The following EP400 variants were observed in gnomAD, a reference collection of about 807,000 sequenced individuals.
EP400 encodes E1A-binding protein p400.
In EP400, 105 loss-of-function variants were observed where a neutral mutation model predicts 354.1. That is an observed-to-expected ratio of 0.30 (90% CI 0.25 to 0.35). EP400 has a LOEUF of 0.35. Ranked by LOEUF, EP400 falls within the 10% of genes least tolerant of loss-of-function variation. EP400 has a pLI of 1.00. For synonymous variants in EP400, 1,646 were observed against 1,716.9 expected, an observed-to-expected ratio of 0.96 and a Z score of 1.02; for missense variants, 3,280 against 4,121.0, an observed-to-expected ratio of 0.80 and a Z score of 5.59.
intron 5 of EP400, 91 bp from the exon 6 acceptor site, chr12:131,986,423 C>G (rs76894458): frequency 2.7e-5 from 36 of 1,342,870 alleles, no homozygotes; most frequent in Non-Finnish European, 3.5e-5. Flanking sequence ...CAGTGCGCGT[C>G]TCTGGTGCTG....
In EP400 at chr12:132,038,009, G is replaced by A. The variant is rs997030576; in HGVS notation, c.6120G>A (p.Pro2040=). 11 of 1,614,052 alleles carry A rather than the reference G, an allele frequency of 6.8e-6. No homozygotes were observed. The highest frequency in any genetic ancestry group is 3.3e-5 in the South Asian group (3 of 91,088). Residue 2040 remains proline, a synonymous_variant, in exon 32 of 53, where the codon CCG becomes CCA. Transcript: ENST00000389561. This position sits in a 1 kb window ranked among gnomAD's most constrained non-coding sequence, Gnocchi z 4.2. ...CTCCCATGGATGATGCTGGCTTCCCGGTCAAAGCTGAGGAGTTTGTGGTGC... is the reference window on the plus strand; with the variant it reads ...CTCCCATGGATGATGCTGGCTTCCCAGTCAAAGCTGAGGAGTTTGTGGTGC... The part of the protein sequence containing the change: ...VYSPMDDAGF[P]VKAEEFVVLS...
intron 23 of EP400, 149 bp downstream of exon 23, chr12:132,021,470 G>C (rs971365701): frequency 1.6e-6 from 2 of 1,221,046 alleles, no homozygotes; most frequent in African/African-American, 3.2e-5. Flanking sequence ...CAGTGCAGCT[G>C]CCTCCGGCAT....
intron 12 of EP400, among the ~76,000 whole-genome samples, chr12:131,995,637 TG>T (rs1472617186): frequency 1.4e-5 from 2 of 147,982 alleles, no homozygotes; most frequent in Admixed American, 1.4e-4. Flanking sequence ...ACAGCTTGAC[TG>T]AATGTGCCGT....
intron 6 of EP400, among the ~76,000 whole-genome samples, chr12:131,987,234 G>A (rs899204958): frequency 6.6e-6 from 1 of 152,130 alleles, no homozygotes; most frequent in African/African-American, 2.4e-5. Context: ...ACTTCATTAG[G>A]GGAATTAAAA....
rs1895406706 is a variant in EP400 at position 132,054,206 on chromosome 12, C to T, written c.7728+609C>T. Among the ~76,000 whole-genome samples the T allele has an allele frequency of 6.6e-6, 1 of 152,258 alleles. No individual in the cohort carries two copies. Among genetic ancestry groups the T allele is most frequent in the African/African-American group, 2.4e-5 (1 of 41,472 alleles). ...GAATCACACCTGCAGAGAATAGGAG[C>T]TGTGCCAAATTGGGGAAACCCACAC... is the stretch of plus-strand genomic sequence containing the variant. On this transcript the variant is annotated intron_variant, in intron 43 of 52. Coordinates refer to ENST00000389561, the MANE Select transcript of EP400 (RefSeq NM_015409.5). The surrounding 1 kb of genome is among the most constrained non-coding windows in gnomAD (Gnocchi z 4.0).
At chr12:131,997,288 T>G (rs76071482) in intron 12 of EP400, among the ~76,000 whole-genome samples, 4 of 151,812 alleles carry the variant, frequency 2.6e-5, no homozygotes, top group Non-Finnish European at 4.4e-5. Flanking sequence ...TTTTTTTTTT[T>G]GAGACAGAGT....
intron 1 of EP400, among the ~76,000 whole-genome samples, chr12:131,953,987 C>T (rs746962593): frequency 3.9e-5 from 6 of 152,070 alleles, no homozygotes; most frequent in African/African-American, 1.4e-4. Flanking sequence ...GTGGCTCACA[C>T]CTGTAGTCCC....
rs567358867 is a variant in EP400, at chr12:131,965,841, C to T, written c.1335+3887C>T. On this transcript the variant is annotated intron_variant, in intron 2 of 52. Transcript: ENST00000389561. ...TGCTATTCCATTGTGTGAATGTGCC[C>T]CAGTTTGTTTATCCATTTACCCTTT... Among the ~76,000 whole-genome samples, 4 of 152,002 alleles carry T rather than the reference C, an allele frequency of 2.6e-5. 1 individual carries two copies. In the South Asian group the frequency reaches 8.3e-4, roughly 32 times the overall value.
In EP400 at chr12:132,001,707, C is replaced by T. The variant is rs527410904; in HGVS notation, c.2828-3370C>T. 3.3e-5 allele frequency among the ~76,000 whole-genome samples: 5 copies of T among 152,280 alleles called. No individual in the cohort carries two copies. The East Asian group carries it at 9.7e-4, about 29-fold the overall frequency. On this transcript the variant is annotated intron_variant, in intron 12 of 52. Coordinates refer to ENST00000389561, the MANE Select transcript of EP400 (RefSeq NM_015409.5). ...CCAGATCCTGGCGTTACCGCTAGAC[C>T]CAGGAGCCCTCTGGTGGCCCTGTCC...
At chr12:132,037,151 TG>T (rs1353874310) in intron 30 of EP400, among the ~76,000 whole-genome samples, 1 of 152,156 alleles carries the variant, frequency 6.6e-6, no homozygotes, top group Admixed American at 6.5e-5. Context: ...GTCCCTGCAC[TG>T]GGGGTCCGTC....
chr12:132,037,123 A>C (rs901025438), intron 30 of EP400, among the ~76,000 whole-genome samples: 2 of 152,164 alleles, frequency 1.3e-5, no homozygotes, highest in African/African-American at 2.4e-5. Context: ...CAGTGATGGA[A>C]TCTTGAGGAA....
Position 132,025,204 on chromosome 12 carries a change from T to C in EP400, c.4856-442T>C, listed in dbSNP as rs1044357693. On this transcript the variant is annotated intron_variant, in intron 24 of 52. Transcript: ENST00000389561. The surrounding 1 kb of genome is among the most constrained non-coding windows in gnomAD (Gnocchi z 4.1). ...TCCAGAGTAAAAGAAGTCAGAAAGA[T>C]GTAGTCACACAAGATCCAAAGTGGC... 2.0e-5 allele frequency among the ~76,000 whole-genome samples: 3 copies of C among 152,260 alleles called. No individual in the cohort carries two copies. Among genetic ancestry groups the C allele is most frequent in the Admixed American group, 1.3e-4 (2 of 15,290 alleles).
intron 39 of EP400, among the ~76,000 whole-genome samples, chr12:132,046,659 C>A (rs776481712): frequency 2.0e-5 from 3 of 152,236 alleles, no homozygotes; most frequent in Non-Finnish European, 2.9e-5. Context: ...TGGTCAGTAA[C>A]ATACAGGCAT....
intron 39 of EP400, among the ~76,000 whole-genome samples, chr12:132,046,569 A>C (rs1176442141): frequency 6.6e-6 from 1 of 152,146 alleles, no homozygotes. Flanking sequence ...ATTTACGTGT[A>C]GTGTAGTCAA....
chr12:131,952,234 C>T (rs190712572), intron 1 of EP400, among the ~76,000 whole-genome samples: 2,125 of 133,512 alleles, frequency 0.016, 49 homozygotes, highest in African/African-American at 0.057. Flanking sequence ...ACCTGGGAGG[C>T]GGAGCTTGCA....
chr12:131,973,243 T>C (rs1892358725), intron 2 of EP400, among the ~76,000 whole-genome samples: 1 of 152,200 alleles, frequency 6.6e-6, no homozygotes, highest in Non-Finnish European at 1.5e-5. Flanking sequence ...GAAAAACTCT[T>C]AGGAGTGACA....
At chr12:131,966,456 C>T (rs71470355) in intron 2 of EP400, among the ~76,000 whole-genome samples, 2 of 150,710 alleles carry the variant, frequency 1.3e-5, no homozygotes, top group South Asian at 2.1e-4. Context: ...GTAATTCCAG[C>T]TTCTCAGGAG....
At position 132,069,630 on chromosome 12, in the gene EP400, A is replaced by G. The variant is rs750704975; in HGVS notation, c.9010A>G (p.Thr3004Ala). The change falls in exon 51 of 53, where the codon ACC becomes GCC. Residue 3004 changes from threonine to alanine, a missense_variant. Coordinates refer to ENST00000389561, the MANE Select transcript of EP400 (RefSeq NM_015409.5). Reference sequence around the variant, plus strand: ...ACTGGCCGGGGCCCAGCAAGTGCAGACCCAGATCCAGGTGAGCGGGGAACA... The same window carrying G: ...ACTGGCCGGGGCCCAGCAAGTGCAGGCCCAGATCCAGGTGAGCGGGGAACA... ...QKLAGAQQVQ[T>A]QIQVAKLPQV... 1 of 1,614,174 alleles carries G rather than the reference A, an allele frequency of 6.2e-7. No homozygotes were observed. Among genetic ancestry groups the G allele is most frequent in the East Asian group, 2.2e-5 (1 of 44,886 alleles).
chr12:132,010,642 T>C (rs1460090607), intron 15 of EP400, among the ~76,000 whole-genome samples: 2 of 152,236 alleles, frequency 1.3e-5, no homozygotes, highest in Non-Finnish European at 2.9e-5. Context: ...TAATAATCTT[T>C]AAAAACCTTA....
Sources: allele counts gnomAD v4.1 joint callset (sites outside exome capture counted in the v4.1 genomes callset), GRCh38; gene constraint gnomAD v4.1.1; non-coding constraint Gnocchi (gnomAD v3.1); transcripts MANE v1.5; gene names NCBI Gene and HGNC (gene_info 2026-07-23, HGNC 2026-07-21).